Variants in XKR4 observed in about 807,000 individuals in gnomAD.
XKR4 encodes XK-related protein 4.
A neutral mutation model predicts 53.9 loss-of-function variants in XKR4; 12 were observed. The ratio of observed to expected loss-of-function variants is 0.22; its 90% CI spans 0.14 to 0.36. XKR4 has a LOEUF of 0.36. XKR4 is among the 10% of genes least tolerant of loss of function. The pLI, the probability that XKR4 is intolerant of heterozygous loss-of-function variation, is 1.00. For missense variants in XKR4, 799 were observed against 859.5 expected (o/e 0.93, Z 0.88); for synonymous variants, 354 against 362.4 (o/e 0.98, Z 0.26).
intron 2 of XKR4, among the ~76,000 whole-genome samples, chr8:55,359,881 C>T (rs572366286): frequency 1.6e-4 from 25 of 152,240 alleles, no homozygotes; most frequent in Non-Finnish European, 2.2e-4. Flanking sequence ...AGTTAAGTTG[C>T]GTTTTTTGAG....
chr8:55,449,315 T>C (rs1311200769), intron 2 of XKR4, among the ~76,000 whole-genome samples: 1 of 152,176 alleles, frequency 6.6e-6, no homozygotes, highest in Admixed American at 6.5e-5. Context: ...TGCTCAGCTG[T>C]GACGCCGAAA....
chr8:55,329,477 A>G (rs1170685799), intron 1 of XKR4, among the ~76,000 whole-genome samples: 2 of 152,126 alleles, frequency 1.3e-5, no homozygotes, highest in African/African-American at 4.8e-5. Context: ...GGCCCAGGGA[A>G]GCCAAAAGAT....
intron 1 of XKR4, among the ~76,000 whole-genome samples, chr8:55,284,692 A>T (rs775714535): frequency 6.6e-6 from 1 of 152,166 alleles, no homozygotes; most frequent in Non-Finnish European, 1.5e-5. Context: ...GTGTCCTATG[A>T]TGTGACACAC....
intron 1 of XKR4, among the ~76,000 whole-genome samples, chr8:55,179,572 G>A (rs1311222536): frequency 3.3e-5 from 5 of 152,150 alleles, no homozygotes; most frequent in Non-Finnish European, 5.9e-5. Context: ...TGTACAGATT[G>A]AAGGAGTATG....
At chr8:55,309,011 G>A (rs539745648) in intron 1 of XKR4, among the ~76,000 whole-genome samples, 28 of 152,192 alleles carry the variant, frequency 1.8e-4, no homozygotes, top group Non-Finnish European at 3.8e-4. Flanking sequence ...TAAAGAGGGA[G>A]GAAGAGGCCA....
intron 1 of XKR4, among the ~76,000 whole-genome samples, chr8:55,191,420 C>T (rs933644947): frequency 1.3e-5 from 2 of 152,118 alleles, no homozygotes; most frequent in African/African-American, 4.8e-5. Context: ...GACTTTTAGA[C>T]CTTCATTTGT....
chr8:55,382,318 A>G (rs1012078191), intron 2 of XKR4, among the ~76,000 whole-genome samples: 3 of 152,246 alleles, frequency 2.0e-5, no homozygotes, highest in Admixed American at 6.5e-5. Context: ...TGTAATATTT[A>G]TTTTTAAACA....
chr8:55,281,277 C>A (rs1818841607), intron 1 of XKR4, among the ~76,000 whole-genome samples: 1 of 152,110 alleles, frequency 6.6e-6, no homozygotes, highest in African/African-American at 2.4e-5. Context: ...AATAATGATC[C>A]TCTGACCTCA....
At chr8:55,469,678 G>A (rs188245232) in intron 2 of XKR4, among the ~76,000 whole-genome samples, 15 of 152,256 alleles carry the variant, frequency 9.9e-5, no homozygotes, top group Non-Finnish European at 1.6e-4. Context: ...TGAGGATAGA[G>A]TGTGTTAGAG....
chr8:55,467,002 A>G (rs1314568049), intron 2 of XKR4, among the ~76,000 whole-genome samples: 1 of 152,148 alleles, frequency 6.6e-6, no homozygotes, highest in Non-Finnish European at 1.5e-5. Context: ...TGGGTCAGGG[A>G]CCTAGTCAGG....
intron 1 of XKR4, among the ~76,000 whole-genome samples, chr8:55,118,988 T>C (rs1419339016): frequency 2.0e-5 from 3 of 152,152 alleles, no homozygotes; most frequent in Admixed American, 6.5e-5. Flanking sequence ...CATGTGATCA[T>C]GTAGTTATAT....
intron 1 of XKR4, among the ~76,000 whole-genome samples, chr8:55,127,150 C>A (rs1415618915): frequency 6.6e-6 from 1 of 152,094 alleles, no homozygotes; most frequent in Admixed American, 6.5e-5. Context: ...CACCTATTCT[C>A]GTATGAGCCA....
chr8:55,148,719 T>C (rs1816803970), intron 1 of XKR4, among the ~76,000 whole-genome samples: 1 of 152,234 alleles, frequency 6.6e-6, no homozygotes, highest in South Asian at 2.1e-4. Context: ...CTTTTCTTTA[T>C]TTCCTTAAAC....
At chr8:55,110,859 CA>C (rs1816221622) in intron 1 of XKR4, among the ~76,000 whole-genome samples, 1 of 152,110 alleles carries the variant, frequency 6.6e-6, no homozygotes, top group African/African-American at 2.4e-5. Flanking sequence ...CTACCACCAC[CA>C]TCATCACTGT....
chr8:55,304,916 A>G (rs1819270952), intron 1 of XKR4, among the ~76,000 whole-genome samples: 1 of 152,152 alleles, frequency 6.6e-6, no homozygotes, highest in African/African-American at 2.4e-5. Context: ...GGCAGAAATG[A>G]TAAGCTTCAT....
chr8:55,393,269 A>C (rs1804467502), intron 2 of XKR4, among the ~76,000 whole-genome samples: 1 of 152,092 alleles, frequency 6.6e-6, no homozygotes, highest in Non-Finnish European at 1.5e-5. Flanking sequence ...ACAAAAATAT[A>C]ATTGAGTTAC....
At chr8:55,399,986 A>C (rs1804575415) in intron 2 of XKR4, among the ~76,000 whole-genome samples, 2 of 152,156 alleles carry the variant, frequency 1.3e-5, no homozygotes, top group Non-Finnish European at 2.9e-5. Flanking sequence ...TGCCCCCAAC[A>C]TGCTAAGTGT....
chr8:55,372,015 C>T (rs1195391306), intron 2 of XKR4, among the ~76,000 whole-genome samples: 1 of 152,220 alleles, frequency 6.6e-6, no homozygotes, highest in Non-Finnish European at 1.5e-5. Context: ...CTCCTTCCCT[C>T]TGAGGTGTGG....
intron 1 of XKR4, among the ~76,000 whole-genome samples, chr8:55,258,370 A>G (rs1389948166): frequency 6.6e-6 from 1 of 152,190 alleles, no homozygotes; most frequent in Admixed American, 6.5e-5. Context: ...GTAAAGAGGA[A>G]CGTTCACTTG....
Sources: allele counts gnomAD v4.1 joint callset (sites outside exome capture counted in the v4.1 genomes callset), GRCh38; gene constraint gnomAD v4.1.1; transcripts MANE v1.5; gene names NCBI Gene and HGNC (gene_info 2026-07-23, HGNC 2026-07-21).